The following GRM5 variants were observed in gnomAD, a reference collection of about 807,000 sequenced individuals.
The protein encoded by GRM5 is metabotropic glutamate receptor 5.
A neutral mutation model predicts 83.1 loss-of-function variants in GRM5; 19 were observed. The ratio of observed to expected loss-of-function variants is 0.23; its 90% CI spans 0.16 to 0.34. The LOEUF is 0.34. GRM5 is among the 10% of genes least tolerant of loss of function. The pLI is 1.00. For synonymous variants in GRM5, 675 were observed against 633.6 expected (o/e 1.07, Z -0.98); for missense variants, 1,160 against 1,588.3 (o/e 0.73, Z 4.58).
chr11:88,563,164 T>G (rs1398426684), intron 8 of GRM5, among the ~76,000 whole-genome samples: 1 of 152,190 alleles, frequency 6.6e-6, no homozygotes, highest in Non-Finnish European at 1.5e-5. Flanking sequence ...ACTAAACACT[T>G]AATGCATATT....
intron 3 of GRM5, among the ~76,000 whole-genome samples, chr11:88,715,257 G>C (rs1941375478): frequency 6.6e-6 from 1 of 151,920 alleles, no homozygotes; most frequent in South Asian, 2.1e-4. Flanking sequence ...TGAAGAAATA[G>C]TAGTAAAGAA....
chr11:88,533,428 C>A (rs1333424773), intron 8 of GRM5, among the ~76,000 whole-genome samples: 2 of 152,150 alleles, frequency 1.3e-5, no homozygotes, highest in Non-Finnish European at 2.9e-5. Context: ...CCAGACCACC[C>A]TATTTAAAAA....
chr11:88,906,180 A>G (rs886665896), intron 2 of GRM5, among the ~76,000 whole-genome samples: 1 of 152,178 alleles, frequency 6.6e-6, no homozygotes, highest in African/African-American at 2.4e-5. Flanking sequence ...AAAAGCATTT[A>G]TGGTTACTGG....
chr11:88,799,739 C>G (rs1275201209), intron 3 of GRM5, among the ~76,000 whole-genome samples: 2 of 152,078 alleles, frequency 1.3e-5, no homozygotes, highest in Admixed American at 1.3e-4. Context: ...TATCCATGGT[C>G]ACAGCAGTTC....
intron 4 of GRM5, among the ~76,000 whole-genome samples, chr11:88,651,936 G>C (rs1311491547): frequency 1.3e-5 from 2 of 152,036 alleles, no homozygotes; most frequent in Non-Finnish European, 2.9e-5. Context: ...GGATGAACAT[G>C]ACCTCAGAGG....
chr11:88,721,157 A>G (rs1591465870), intron 3 of GRM5, among the ~76,000 whole-genome samples: 1 of 152,222 alleles, frequency 6.6e-6, no homozygotes, highest in East Asian at 1.9e-4. Context: ...GAATACATGT[A>G]AAAACATTTA....
chr11:88,543,305 G>A (rs887381312), intron 8 of GRM5, among the ~76,000 whole-genome samples: 4 of 152,132 alleles, frequency 2.6e-5, no homozygotes, highest in Non-Finnish European at 5.9e-5. Context: ...AGAGCTGACC[G>A]TTTAAGCTTT....
At chr11:88,875,477 C>A (rs1049145911) in intron 2 of GRM5, among the ~76,000 whole-genome samples, 1 of 151,910 alleles carries the variant, frequency 6.6e-6, no homozygotes, top group Admixed American at 6.6e-5. Context: ...TTGGAATCAA[C>A]TTTTTCCAAA....
Position 88,665,374 on chromosome 11 carries a change from C to G in GRM5, c.912-11971G>C, listed in dbSNP as rs111885908. Among the ~76,000 whole-genome samples the G allele has an allele frequency of 6.9e-4, 105 of 152,172 alleles. 6 individuals carry two copies. Among genetic ancestry groups the G allele is most frequent in the African/African-American group, 2.4e-3 (99 of 41,526 alleles). On this transcript the variant is annotated intron_variant, in intron 3 of 9. Coordinates refer to ENST00000305447, the MANE Select transcript of GRM5 (RefSeq NM_001143831.3). The stretch of plus-strand genomic sequence containing the variant: ...GACCAATTAGAAGATGCTTAAGAGA[C>G]CTTGATTTCTGTACATAAACACAGA...
intron 1 of GRM5, among the ~76,000 whole-genome samples, chr11:89,051,447 C>T (rs1329505630): frequency 5.3e-5 from 8 of 152,142 alleles, no homozygotes; most frequent in East Asian, 3.9e-4. Context: ...CGGTGGCTCA[C>T]GCCTGTAATC....
chr11:88,665,407 C>T (rs1286802532), intron 3 of GRM5, among the ~76,000 whole-genome samples: 1 of 152,060 alleles, frequency 6.6e-6, no homozygotes, highest in East Asian at 1.9e-4. Flanking sequence ...AGAATGGGCT[C>T]ATTTCCATTC....
At chr11:88,512,583 T>G (rs982571060) in intron 9 of GRM5, among the ~76,000 whole-genome samples, 21 of 152,170 alleles carry the variant, frequency 1.4e-4, no homozygotes, top group Non-Finnish European at 2.6e-4. Flanking sequence ...AGGGCCACTG[T>G]GGGGTGTCAT....
intron 3 of GRM5, among the ~76,000 whole-genome samples, chr11:88,688,938 ATTG>A (rs1412994479): frequency 6.6e-6 from 1 of 152,136 alleles, no homozygotes; most frequent in African/African-American, 2.4e-5. Context: ...CTACATATTT[ATTG>A]TTATCATTAA....
chr11:88,604,569 C>T, intron 5 of GRM5, 149 bp downstream of exon 5: 1 of 686,634 alleles, frequency 1.5e-6, no homozygotes, highest in Non-Finnish European at 2.4e-6. Flanking sequence ...GGCTTCTTCT[C>T]TCTATCTTTG....
intron 9 of GRM5, among the ~76,000 whole-genome samples, chr11:88,513,713 C>T (rs1406643925): frequency 6.6e-6 from 1 of 151,928 alleles, no homozygotes; most frequent in Non-Finnish European, 1.5e-5. Context: ...AATCACTTGC[C>T]ACCTTTGAGC....
At chr11:88,770,963 T>C (rs1249233057) in intron 3 of GRM5, among the ~76,000 whole-genome samples, 22 of 152,094 alleles carry the variant, frequency 1.4e-4, no homozygotes, top group Admixed American at 1.4e-3. Flanking sequence ...TTAAATGACT[T>C]TTCCTCATTT....
At chr11:88,622,642 C>G (rs1370114589) in intron 4 of GRM5, among the ~76,000 whole-genome samples, 1 of 152,124 alleles carries the variant, frequency 6.6e-6, no homozygotes, top group Non-Finnish European at 1.5e-5. Flanking sequence ...GACATCTGAT[C>G]TTTTAATCAA....
intron 8 of GRM5, among the ~76,000 whole-genome samples, chr11:88,538,064 A>G (rs540302199): frequency 1.3e-5 from 2 of 151,926 alleles, no homozygotes; most frequent in South Asian, 4.2e-4. Context: ...AGGTTTCTGC[A>G]CAAAGATTTT....
At chr11:88,618,300 A>C (rs979128969) in intron 4 of GRM5, among the ~76,000 whole-genome samples, 2 of 152,176 alleles carry the variant, frequency 1.3e-5, no homozygotes, top group African/African-American at 4.8e-5. Flanking sequence ...AACTGTATAC[A>C]ATTATTTGGA....
Sources: allele counts gnomAD v4.1 joint callset (sites outside exome capture counted in the v4.1 genomes callset), GRCh38; gene constraint gnomAD v4.1.1; transcripts MANE v1.5; gene names NCBI Gene and HGNC (gene_info 2026-07-23, HGNC 2026-07-21).